Variants in REV3L observed in about 807,000 individuals in gnomAD.
The protein encoded by REV3L is DNA polymerase zeta catalytic subunit.
REV3L carries 69 observed loss-of-function variants against 299.4 expected under a neutral mutation model. The ratio of observed to expected loss-of-function variants is 0.23; its 90% CI spans 0.19 to 0.28. The LOEUF (loss-of-function observed/expected upper bound fraction) is 0.28, where lower values mean the gene tolerates loss of function less well. REV3L is among the 10% of genes least tolerant of loss of function. The probability of loss-of-function intolerance (pLI) is 1.00; values close to 1 mark genes in which losing one functional copy is unlikely to be tolerated. For missense variants in REV3L, 3,128 were observed against 3,693.8 expected, an observed-to-expected ratio of 0.85 and a Z score of 3.97; for synonymous variants, 1,238 against 1,271.4, an observed-to-expected ratio of 0.97 and a Z score of 0.56.
chr6:111,392,544 A>G (rs1224497430), intron 5 of REV3L, among the ~76,000 whole-genome samples: 1 of 152,170 alleles, frequency 6.6e-6, no homozygotes. Context: ...GTTTTAAATT[A>G]CTATTTTATC....
At position 111,376,107 on chromosome 6, in the gene REV3L, A is replaced by G. The variant is rs1441311505; in HGVS notation, c.2248T>C (p.Ser750Pro). 1 of 1,613,496 alleles carries G rather than the reference A, an allele frequency of 6.2e-7. No individual in the cohort carries two copies. The highest frequency in any genetic ancestry group is 1.3e-5 in the African/African-American group (1 of 75,040). Reference protein sequence around the residue: ...FTENCELLSCSGENRTMVHSL... With the variant: ...FTENCELLSCPGENRTMVHSL... ...TGCACCATAGTTCTATTCTCCCCTG[A>G]GCATGACAGTAATTCACAATTTTCA... The change falls in exon 13 of 32, where the codon TCA (serine) becomes CCA (proline). Residue 750 changes from serine to proline, a missense_variant. Physicochemically the swap from Ser to Pro is moderately conservative, Grantham distance 74 (BLOSUM62 -1). This residue lies in a region of REV3L where 2,409 missense variants were observed against 2,611.8 expected (regional missense o/e 0.92). Coordinates refer to ENST00000368802, the MANE Select transcript of REV3L (RefSeq NM_001372078.1).
chr6:111,454,236 C>T (rs974414440), intron 1 of REV3L, among the ~76,000 whole-genome samples: 3 of 151,750 alleles, frequency 2.0e-5, no homozygotes, highest in African/African-American at 7.3e-5. Context: ...AGCTACTGTG[C>T]TGGACCCAAT....
intron 27 of REV3L, among the ~76,000 whole-genome samples, chr6:111,314,268 C>T (rs1195682555): frequency 6.6e-6 from 1 of 152,166 alleles, no homozygotes; most frequent in Non-Finnish European, 1.5e-5. Context: ...TATCTTCCAT[C>T]CTACATGGTC....
chr6:111,417,668 A>G (rs1034154729), intron 1 of REV3L, among the ~76,000 whole-genome samples: 5 of 152,232 alleles, frequency 3.3e-5, no homozygotes, highest in Non-Finnish European at 7.3e-5. Context: ...GTAGTTCTAC[A>G]CTGTGTTGAT....
chr6:111,399,838 G>C (rs541640636), intron 4 of REV3L, among the ~76,000 whole-genome samples: 3 of 152,134 alleles, frequency 2.0e-5, no homozygotes, highest in Non-Finnish European at 2.9e-5. Flanking sequence ...TGAATGAATA[G>C]TCATGTAACC....
chr6:111,302,069 G>C (rs950522271), intron 31 of REV3L, among the ~76,000 whole-genome samples: 4 of 152,354 alleles, frequency 2.6e-5, no homozygotes, highest in Admixed American at 2.6e-4. Flanking sequence ...ACAGGCCAGT[G>C]AAGTTTTGTT....
At chr6:111,379,804 T>A (rs542745203) in intron 11 of REV3L, among the ~76,000 whole-genome samples, 178 bp downstream of exon 11, 1 of 152,284 alleles carries the variant, frequency 6.6e-6, no homozygotes, top group African/African-American at 2.4e-5. Context: ...CAAAACTTTA[T>A]TTTGCTTGGA....
intron 25 of REV3L, among the ~76,000 whole-genome samples, chr6:111,323,602 AC>A (rs1309515726): frequency 6.6e-6 from 1 of 152,196 alleles, no homozygotes; most frequent in African/African-American, 2.4e-5. Context: ...AGTTTACAAA[AC>A]AAAAAGATGC....
intron 1 of REV3L, among the ~76,000 whole-genome samples, chr6:111,454,019 T>C (rs1331945036): frequency 6.6e-6 from 1 of 152,062 alleles, no homozygotes; most frequent in East Asian, 1.9e-4. Flanking sequence ...AAAAAAGTTA[T>C]GTGCTATGTT....
Position 111,351,800 on chromosome 6 carries a change from G to A in REV3L, c.7185-9C>T. 1 of 1,577,166 alleles carries A rather than the reference G, an allele frequency of 6.3e-7. No individual in the cohort carries two copies. Among genetic ancestry groups the A allele is most frequent in the Non-Finnish European group, 8.7e-7 (1 of 1,149,818 alleles). ...GAATATCAGGATCATACCTAAAAAA[G>A]GAATTTAAAAAAGTTATATAAGTAC... On this transcript the variant is annotated splice_polypyrimidine_tract_variant and intron_variant, in intron 18 of 31. Coordinates refer to ENST00000368802, the MANE Select transcript of REV3L (RefSeq NM_001372078.1).
At chr6:111,437,781 ACT>A (rs1787750465) in intron 1 of REV3L, among the ~76,000 whole-genome samples, 1 of 152,048 alleles carries the variant, frequency 6.6e-6, no homozygotes, top group Non-Finnish European at 1.5e-5. Context: ...TGGTTGCACA[ACT>A]CTGTGAACAA....
chr6:111,408,389 G>C (rs1044570003), intron 3 of REV3L, among the ~76,000 whole-genome samples: 4 of 152,020 alleles, frequency 2.6e-5, no homozygotes, highest in Non-Finnish European at 5.9e-5. Flanking sequence ...GATCACCTGA[G>C]GTCAGGAGTT....
At chr6:111,455,562 C>G (rs1472876771) in intron 1 of REV3L, among the ~76,000 whole-genome samples, 1 of 152,010 alleles carries the variant, frequency 6.6e-6, no homozygotes, top group Non-Finnish European at 1.5e-5. Context: ...AATTTGAAAA[C>G]AGGTAAAGTT....
intron 2 of REV3L, chr6:111,412,241 G>A: frequency 1.0e-6 from 1 of 985,068 alleles, no homozygotes; most frequent in Non-Finnish European, 1.2e-6. Context: ...AAAGACCATG[G>A]ACTTACTTAA....
At chr6:111,377,148 T>C (rs2115103160) in intron 12 of REV3L, among the ~76,000 whole-genome samples, 1 of 152,282 alleles carries the variant, frequency 6.6e-6, no homozygotes, top group Middle Eastern at 3.4e-3. Flanking sequence ...AAAGCTTGAA[T>C]TCAGTGGTCA....
chr6:111,438,481 T>C (rs1468887279), intron 1 of REV3L, among the ~76,000 whole-genome samples: 1 of 150,250 alleles, frequency 6.7e-6, no homozygotes, highest in Admixed American at 6.6e-5. Context: ...TACCTGGCTT[T>C]AAACCCTGAA....
At chr6:111,459,818 G>A (rs1790552011) in intron 1 of REV3L, among the ~76,000 whole-genome samples, 1 of 152,074 alleles carries the variant, frequency 6.6e-6, no homozygotes, top group South Asian at 2.1e-4. Context: ...CGCTGTTGGT[G>A]GGAATGTAAC....
chr6:111,351,933 T>A, intron 18 of REV3L, 142 bp from the exon 19 acceptor site: 1 of 546,530 alleles, frequency 1.8e-6, no homozygotes, highest in East Asian at 3.1e-5. Flanking sequence ...GATGATACAG[T>A]GGTACCTACA....
At chr6:111,480,056 G>A (rs1175673530) in intron 1 of REV3L, among the ~76,000 whole-genome samples, 1 of 152,114 alleles carries the variant, frequency 6.6e-6, no homozygotes, top group East Asian at 1.9e-4. Flanking sequence ...ATTTTGAAAC[G>A]GCCACTTCAT....
Sources: gnomAD v4.1 joint callset for allele counts (sites outside exome capture counted in the v4.1 genomes callset) on GRCh38, gnomAD v4.1.1 for gene constraint, gnomAD v4.1.1 regional missense constraint, MANE v1.5 for transcripts, NCBI Gene and HGNC (gene_info 2026-07-23, HGNC 2026-07-21) for gene names.